Variants in PCSK2 observed in about 807,000 individuals in gnomAD.
The protein encoded by PCSK2 is neuroendocrine convertase 2.
A neutral mutation model predicts 69.7 loss-of-function variants in PCSK2; 14 were observed. The observed-to-expected ratio is 0.20, with a 90% CI of 0.13 to 0.31. PCSK2 has a LOEUF of 0.31. PCSK2 is among the 10% of genes least tolerant of loss of function. The probability of loss-of-function intolerance (pLI) is 1.00; values close to 1 mark genes in which losing one functional copy is unlikely to be tolerated. For missense variants in PCSK2, 544 were observed against 842.5 expected (o/e 0.65, Z 4.39); for synonymous variants, 307 against 320.7 (o/e 0.96, Z 0.46).
chr20:17,359,474 A>T (rs913674104), intron 3 of PCSK2, among the ~76,000 whole-genome samples: 1 of 152,216 alleles, frequency 6.6e-6, no homozygotes, highest in African/African-American at 2.4e-5. Context: ...ACCAACCTCC[A>T]TCTGAGCTCC....
At chr20:17,405,533 C>A (rs16999097) in intron 5 of PCSK2, among the ~76,000 whole-genome samples, 57 of 152,226 alleles carry the variant, frequency 3.7e-4, no homozygotes, top group Non-Finnish European at 6.3e-4. Context: ...TGTGGGCCTG[C>A]GTCTTTGATA....
intron 6 of PCSK2, among the ~76,000 whole-genome samples, chr20:17,415,802 C>G (rs1353802163): frequency 2.6e-5 from 4 of 152,146 alleles, no homozygotes; most frequent in Admixed American, 1.3e-4. Flanking sequence ...GCTACAGTAA[C>G]CAAAACAGCA....
intron 2 of PCSK2, among the ~76,000 whole-genome samples, chr20:17,340,755 C>T (rs1990488761): frequency 6.6e-6 from 1 of 152,208 alleles, no homozygotes; most frequent in Admixed American, 6.5e-5. Flanking sequence ...TTCCCCTCCC[C>T]TGTTCCTTGC....
chr20:17,307,671 G>T (rs944357932), intron 2 of PCSK2, among the ~76,000 whole-genome samples: 2 of 152,082 alleles, frequency 1.3e-5, no homozygotes, highest in African/African-American at 4.8e-5. Flanking sequence ...AGTGTTCTAG[G>T]CTCTGGGGAT....
At chr20:17,287,431 C>CTGTGTGTGTGTGTGTGTGTGTGTGTGTG (rs67695913) in intron 2 of PCSK2, among the ~76,000 whole-genome samples, 2 of 145,928 alleles carry the variant, frequency 1.4e-5, no homozygotes, top group East Asian at 4.1e-4. Context: ...ATGTGCGTGT[C>CTGTGTGTGTGTGTGTGTGTGTGTGTGTG]TGTGTGTGTG....
At chr20:17,349,832 T>C (rs1283023236) in intron 2 of PCSK2, among the ~76,000 whole-genome samples, 1 of 152,158 alleles carries the variant, frequency 6.6e-6, no homozygotes, top group Non-Finnish European at 1.5e-5. Context: ...CCTGGAAAGT[T>C]TTAAACACCG....
chr20:17,430,908 C>T (rs1333360487), intron 7 of PCSK2, among the ~76,000 whole-genome samples: 1 of 152,194 alleles, frequency 6.6e-6, no homozygotes, highest in Non-Finnish European at 1.5e-5. Flanking sequence ...AGGGGGAGCT[C>T]ACAGCTTTCT....
intron 9 of PCSK2, 96 bp from the exon 10 acceptor site, chr20:17,456,252 A>T (rs7274198): frequency 4.3e-6 from 3 of 701,184 alleles, no homozygotes; most frequent in Non-Finnish European, 7.6e-6. Flanking sequence ...AAATAAATGA[A>T]TAAATAAAAG....
intron 1 of PCSK2, among the ~76,000 whole-genome samples, chr20:17,248,114 T>A (rs1254224192): frequency 6.6e-6 from 1 of 152,110 alleles, no homozygotes; most frequent in Non-Finnish European, 1.5e-5. Flanking sequence ...CTTCTTTTTC[T>A]CCTTCCTTCT....
chr20:17,376,778 A>C (rs2030940242), intron 5 of PCSK2, among the ~76,000 whole-genome samples: 1 of 152,236 alleles, frequency 6.6e-6, no homozygotes, highest in African/African-American at 2.4e-5. Context: ...GGAAGTGTGT[A>C]CTTTGTAAGT....
intron 1 of PCSK2, among the ~76,000 whole-genome samples, chr20:17,251,807 A>G (rs1217674878): frequency 6.6e-6 from 1 of 152,152 alleles, no homozygotes; most frequent in Middle Eastern, 3.2e-3. Context: ...GTGGTCCACG[A>G]TGTGTGGAGG....
intron 7 of PCSK2, among the ~76,000 whole-genome samples, chr20:17,430,282 T>C (rs541525822): frequency 6.6e-6 from 1 of 152,326 alleles, no homozygotes; most frequent in South Asian, 2.1e-4. Flanking sequence ...CAACGAGATG[T>C]CTGAGAATGG....
intron 1 of PCSK2, among the ~76,000 whole-genome samples, chr20:17,251,894 G>A (rs989279729): frequency 2.6e-5 from 4 of 152,166 alleles, no homozygotes; most frequent in African/African-American, 9.7e-5. Flanking sequence ...TTCTTAATAT[G>A]TGCATTTAAC....
chr20:17,315,885 C>T (rs1201880033), intron 2 of PCSK2, among the ~76,000 whole-genome samples: 1 of 152,206 alleles, frequency 6.6e-6, no homozygotes, highest in African/African-American at 2.4e-5. Flanking sequence ...CGGACACACC[C>T]GCCAAGCAGG....
intron 5 of PCSK2, among the ~76,000 whole-genome samples, chr20:17,383,341 C>A (rs1242607571): frequency 6.6e-6 from 1 of 152,152 alleles, no homozygotes; most frequent in Non-Finnish European, 1.5e-5. Context: ...ACAAAGAAGA[C>A]AATTTCCCCA....
At chr20:17,278,660 T>C (rs907743346) in intron 2 of PCSK2, among the ~76,000 whole-genome samples, 1 of 152,074 alleles carries the variant, frequency 6.6e-6, no homozygotes, top group Non-Finnish European at 1.5e-5. Context: ...ACATGGCACA[T>C]GTATACATAT....
At chr20:17,379,737 C>T (rs930036412) in intron 5 of PCSK2, among the ~76,000 whole-genome samples, 2 of 152,148 alleles carry the variant, frequency 1.3e-5, no homozygotes, top group African/African-American at 4.8e-5. Context: ...TATTAGATTG[C>T]ATTATATGGC....
At chr20:17,278,362 T>C (rs6136047) in intron 2 of PCSK2, among the ~76,000 whole-genome samples, 13,358 of 152,178 alleles carry the variant, frequency 0.088, 700 homozygotes, top group African/African-American at 0.13. Context: ...AAATGTGGCA[T>C]ATATACACTA....
At chr20:17,381,140 T>C (rs1021781677) in intron 5 of PCSK2, among the ~76,000 whole-genome samples, 4 of 152,198 alleles carry the variant, frequency 2.6e-5, no homozygotes, top group Admixed American at 6.5e-5. Context: ...TTCTCCACCA[T>C]GGTAACCCTG....
Sources: allele counts gnomAD v4.1 joint callset (sites outside exome capture counted in the v4.1 genomes callset), GRCh38; gene constraint gnomAD v4.1.1; transcripts MANE v1.5; gene names NCBI Gene and HGNC (gene_info 2026-07-23, HGNC 2026-07-21).